GALNT17: variants seen among roughly 807,000 people sequenced by gnomAD.
GALNT17 encodes UDP-GalNAc:polypeptide N-acetylgalactosaminyltransferase-like 3.
A neutral mutation model predicts 63.7 loss-of-function variants in GALNT17; 29 were observed. That is an observed-to-expected ratio of 0.46 (90% confidence interval 0.34 to 0.62). The LOEUF (loss-of-function observed/expected upper bound fraction) is 0.62. Among genes scored for constraint, GALNT17 ranks in the 20% least tolerant of loss-of-function variants. GALNT17 has a pLI of 0.01. For missense variants in GALNT17, 603 were observed against 799.6 expected (o/e 0.75, Z 2.97); for synonymous variants, 305 against 318.3 (o/e 0.96, Z 0.45).
intron 9 of GALNT17, among the ~76,000 whole-genome samples, chr7:71,680,510 CCCTCCCTCTCTCCCTT>C (rs1294027911): frequency 1.6e-4 from 12 of 72,934 alleles, no homozygotes; most frequent in South Asian, 8.3e-4. Flanking sequence ...CTCCCTTCCT[CCCTCCCTCTCTCCCTT>C]CCTCCCTCCC....
chr7:71,670,228 T>C (rs1434974417), intron 8 of GALNT17, 119 bp downstream of exon 8: 2 of 1,385,940 alleles, frequency 1.4e-6, no homozygotes, highest in Non-Finnish European at 2.0e-6. Flanking sequence ...TTGGAGGTGC[T>C]GGCCCTGATA....
intron 1 of GALNT17, among the ~76,000 whole-genome samples, chr7:71,298,300 G>A (rs1291766790): frequency 2.6e-5 from 4 of 152,228 alleles, no homozygotes; most frequent in South Asian, 2.1e-4. Context: ...GATTACAGGC[G>A]TGAGCCACCA....
At chr7:71,610,632 G>A (rs1790111593) in intron 6 of GALNT17, among the ~76,000 whole-genome samples, 1 of 152,018 alleles carries the variant, frequency 6.6e-6, no homozygotes, top group Admixed American at 6.6e-5. Context: ...ATGTCCAAAG[G>A]GAAATACACA....
intron 5 of GALNT17, among the ~76,000 whole-genome samples, chr7:71,439,223 G>A (rs1046508909): frequency 1.3e-5 from 2 of 152,130 alleles, no homozygotes; most frequent in Admixed American, 6.5e-5. Context: ...TAAATGCCAA[G>A]GGATTTGCAC....
chr7:71,418,957 T>A (rs539775702), intron 4 of GALNT17, among the ~76,000 whole-genome samples: 1 of 152,088 alleles, frequency 6.6e-6, no homozygotes, highest in East Asian at 1.9e-4. Flanking sequence ...TACAGGCGCC[T>A]GTAATCCCAG....
At chr7:71,347,546 A>T (rs1305096293) in intron 2 of GALNT17, among the ~76,000 whole-genome samples, 1 of 152,180 alleles carries the variant, frequency 6.6e-6, no homozygotes, top group Non-Finnish European at 1.5e-5. Context: ...CTTCAGGAAA[A>T]TATCTACTGA....
At chr7:71,558,939 A>G (rs1789208308) in intron 5 of GALNT17, among the ~76,000 whole-genome samples, 1 of 152,076 alleles carries the variant, frequency 6.6e-6, no homozygotes, top group Non-Finnish European at 1.5e-5. Flanking sequence ...TTCACACCCC[A>G]CAGAGATGAG....
At chr7:71,382,581 A>C (rs1471102221) in intron 2 of GALNT17, among the ~76,000 whole-genome samples, 3 of 152,076 alleles carry the variant, frequency 2.0e-5, no homozygotes, top group African/African-American at 7.2e-5. Flanking sequence ...AGATAATTGC[A>C]CTGCAGTAAC....
At chr7:71,183,800 G>A (rs144942466) in intron 1 of GALNT17, among the ~76,000 whole-genome samples, 1 of 152,096 alleles carries the variant, frequency 6.6e-6, no homozygotes, top group East Asian at 1.9e-4. Context: ...TGAGGCAGGA[G>A]AATCGCGTGA....
intron 1 of GALNT17, among the ~76,000 whole-genome samples, chr7:71,199,531 CAT>C (rs1789123404): frequency 7.3e-6 from 1 of 136,272 alleles, no homozygotes; most frequent in Admixed American, 7.1e-5. Flanking sequence ...TTCATCCATC[CAT>C]CCATCCATCC....
At chr7:71,359,473 GT>G (rs1482454990) in intron 2 of GALNT17, among the ~76,000 whole-genome samples, 1 of 152,140 alleles carries the variant, frequency 6.6e-6, no homozygotes, top group African/African-American at 2.4e-5. Flanking sequence ...TCCATGAGGG[GT>G]CGGCCCCATG....
At chr7:71,388,206 C>G (rs530463520) in intron 2 of GALNT17, 29 bp from the exon 3 acceptor site, 5 of 1,606,136 alleles carry the variant, frequency 3.1e-6, no homozygotes, top group Admixed American at 1.7e-5. Context: ...CTTCCTCTGA[C>G]TCTGCATTTC....
At chr7:71,450,952 C>CT (rs1379345664) in intron 5 of GALNT17, among the ~76,000 whole-genome samples, 1 of 144,360 alleles carries the variant, frequency 6.9e-6, no homozygotes, top group Non-Finnish European at 1.5e-5. Context: ...TTATTATACT[C>CT]TAAGTTCTAG....
intron 5 of GALNT17, among the ~76,000 whole-genome samples, chr7:71,559,969 G>T (rs1211905576): frequency 6.6e-6 from 1 of 151,788 alleles, no homozygotes; most frequent in African/African-American, 2.4e-5. Context: ...GCTGCAGCGG[G>T]CAAATCGCGA....
chr7:71,423,353 GA>G (rs890902800), intron 5 of GALNT17, among the ~76,000 whole-genome samples: 2 of 152,118 alleles, frequency 1.3e-5, no homozygotes, highest in African/African-American at 4.8e-5. Context: ...CTTATTTGGG[GA>G]AAAGGGCTTG....
At chr7:71,521,753 A>C (rs1206596563) in intron 5 of GALNT17, among the ~76,000 whole-genome samples, 1 of 152,246 alleles carries the variant, frequency 6.6e-6, no homozygotes, top group African/African-American at 2.4e-5. Flanking sequence ...GAATATCATC[A>C]ATCATGCTGC....
At chr7:71,169,939 T>C (rs1448014409) in intron 1 of GALNT17, among the ~76,000 whole-genome samples, 1 of 152,070 alleles carries the variant, frequency 6.6e-6, no homozygotes, top group Non-Finnish European at 1.5e-5. Context: ...CCTTTCTTAG[T>C]ATTAAATTGA....
chr7:71,201,244 T>TATATATATATATATATACAC (rs753976717), intron 1 of GALNT17, among the ~76,000 whole-genome samples: 2 of 146,686 alleles, frequency 1.4e-5, no homozygotes, highest in South Asian at 2.1e-4. Context: ...TTTATTTTTA[T>TATATATATATATATATACAC]ATATATATAT....
intron 6 of GALNT17, among the ~76,000 whole-genome samples, chr7:71,599,624 G>C (rs1230213259): frequency 6.6e-6 from 1 of 151,876 alleles, no homozygotes; most frequent in East Asian, 2.0e-4. Flanking sequence ...GGCACTTGGG[G>C]GTCACCCATC....
Sources: allele counts gnomAD v4.1 joint callset (sites outside exome capture counted in the v4.1 genomes callset), GRCh38; gene constraint gnomAD v4.1.1; transcripts MANE v1.5; gene names NCBI Gene and HGNC (gene_info 2026-07-23, HGNC 2026-07-21).